Variants in POLD3 observed in about 807,000 individuals in gnomAD.
POLD3 encodes DNA polymerase delta 3, accessory subunit, also known as DNA polymerase delta subunit 3.
A neutral mutation model predicts 58.2 loss-of-function variants in POLD3; 19 were observed. The observed-to-expected ratio is 0.33, with a 90% CI of 0.23 to 0.48. POLD3 has a LOEUF of 0.48. Among genes scored for constraint, POLD3 ranks in the 20% least tolerant of loss-of-function variants. POLD3 has a pLI of 0.99. For missense variants in POLD3, 504 were observed against 545.5 expected, an observed-to-expected ratio of 0.92 and a Z score of 0.76; for synonymous variants, 172 against 193.5, an observed-to-expected ratio of 0.89 and a Z score of 0.92.
At position 74,661,512 on chromosome 11, in the gene POLD3, A is replaced by G. The variant is rs1448907688; in HGVS notation, c.370-7265A>G. Among the ~76,000 whole-genome samples the G allele has an allele frequency of 2.6e-5, 4 of 151,736 alleles. No homozygotes were observed. In the East Asian group the frequency reaches 7.8e-4, roughly 30 times the overall value. ...GAACTCTCTGGATTACCAGGTGGAG[A>G]CTCTTGTTCTCTTCCCTTACTTTCT... On this transcript the variant is annotated intron_variant, in intron 4 of 4. Transcript: ENST00000524752.
chr11:74,629,578 TTTC>T (rs2032531090), intron 9 of POLD3, among the ~76,000 whole-genome samples: 4 of 146,576 alleles, frequency 2.7e-5, no homozygotes, highest in African/African-American at 7.9e-5. Flanking sequence ...GACTTTTTCT[TTTC>T]TTTTCTTTTT....
At chr11:74,666,493 C>T (rs1052812841) in intron 4 of POLD3, among the ~76,000 whole-genome samples, 4 of 152,076 alleles carry the variant, frequency 2.6e-5, no homozygotes, top group East Asian at 3.9e-4. Context: ...TGGTGGCGGG[C>T]GCCTGTAATC....
chr11:74,642,363 T>TA lies in POLD3; in HGVS notation c.*1600dup. ...GAGAGAAGGATGGAAAGCCTGGACTTAAACCTTTAGAAAAAACTTCTGGAG... is the reference window on the plus strand; with the variant it reads ...GAGAGAAGGATGGAAAGCCTGGACTTAAAACCTTTAGAAAAAACTTCTGGAG... On this transcript the variant is annotated 3_prime_UTR_variant, in exon 12 of 12. Transcript: ENST00000263681. 1.0e-6 allele frequency: 1 copy of TA among 985,362 alleles called. No individual in the cohort carries two copies. Among genetic ancestry groups the TA allele is most frequent in the Non-Finnish European group, 1.2e-6 (1 of 829,830 alleles). The allele number at this position is 985,362 out of a possible 1,614,324, so 61.0% of individuals were successfully genotyped here. A position where few individuals can be genotyped will look rare whatever the true frequency, so the allele number is the denominator to read the frequency against.
chr11:74,645,149 C>T (rs2032983555), downstream of POLD3, among the ~76,000 whole-genome samples: 1 of 152,148 alleles, frequency 6.6e-6, no homozygotes, highest in Non-Finnish European at 1.5e-5. Flanking sequence ...TTAGGATAAT[C>T]ATTATGGGCA....
rs1047049232 is a variant in POLD3 at position 74,639,638 on chromosome 11, C to G, written c.1199-926C>G. Among the ~76,000 whole-genome samples, 6 of 152,264 alleles carry G rather than the reference C, an allele frequency of 3.9e-5. No individual in the cohort carries two copies. The South Asian group carries it at 1.2e-3, about 32-fold the overall frequency. On this transcript the variant is annotated intron_variant, in intron 11 of 11. Coordinates refer to ENST00000263681, the MANE Select transcript of POLD3 (RefSeq NM_006591.3). ...TTTCTTGTGGTTGGTATATGTGTTGCAGTAGTGTAGATCCTCCTCGGTTAT... is the reference window on the plus strand; with the variant it reads ...TTTCTTGTGGTTGGTATATGTGTTGGAGTAGTGTAGATCCTCCTCGGTTAT...
intron 5 of POLD3, among the ~76,000 whole-genome samples, chr11:74,613,297 T>G (rs1341239450): frequency 6.6e-6 from 1 of 151,944 alleles, no homozygotes; most frequent in Non-Finnish European, 1.5e-5. Flanking sequence ...ACCCAGTCTC[T>G]GCTTGTCTAA....
intron 2 of POLD3, among the ~76,000 whole-genome samples, chr11:74,594,351 C>T (rs771259336): frequency 1.3e-4 from 20 of 152,174 alleles, no homozygotes; most frequent in Admixed American, 5.2e-4. Context: ...ACCAGTCATA[C>T]TGAATTACGA....
chr11:74,624,989 G>T (rs532626225), intron 7 of POLD3, among the ~76,000 whole-genome samples: 2 of 152,166 alleles, frequency 1.3e-5, no homozygotes, highest in African/African-American at 4.8e-5. Context: ...AGATATTAAG[G>T]GTATCCAGGC....
intron 5 of POLD3, among the ~76,000 whole-genome samples, chr11:74,617,277 T>C (rs567789645): frequency 1.3e-5 from 2 of 152,228 alleles, no homozygotes; most frequent in Non-Finnish European, 2.9e-5. Flanking sequence ...ACCAATTTTC[T>C]TCTCTTGGCC....
intron 4 of POLD3, among the ~76,000 whole-genome samples, chr11:74,658,188 C>T (rs1016134131): frequency 6.6e-6 from 1 of 152,140 alleles, no homozygotes; most frequent in African/African-American, 2.4e-5. Context: ...TCTTACATGG[C>T]AGCAGCAAGA....
chr11:74,656,076 A>T (rs2033130158), intron 4 of POLD3, among the ~76,000 whole-genome samples: 1 of 152,270 alleles, frequency 6.6e-6, no homozygotes, highest in East Asian at 1.9e-4. Flanking sequence ...AATGCCATTT[A>T]TAATAGTGTC....
intron 4 of POLD3, among the ~76,000 whole-genome samples, chr11:74,667,044 A>G (rs528117033): frequency 3.3e-5 from 5 of 152,028 alleles, no homozygotes; most frequent in Non-Finnish European, 7.4e-5. Context: ...TACTGGGACA[A>G]CTGGATATCC....
rs117744471 is a variant in POLD3, at chr11:74,603,020, C to G, written c.117-1672C>G. ...GGCACCCTCTGTCCTCCTTAACTTA[C>G]TTAACTTTGTTTCCATAGACTTACT... On this transcript the variant is annotated intron_variant, in intron 2 of 11. Transcript: ENST00000263681. 2.8e-3 allele frequency among the ~76,000 whole-genome samples: 422 copies of G among 152,302 alleles called. 1 individual carries two copies. The highest frequency in any genetic ancestry group is 8.3e-3 in the South Asian group (40 of 4,828).
At position 74,604,784 on chromosome 11, in the gene POLD3, A is replaced by G; in HGVS notation, c.209A>G (p.Asn70Ser). The G allele has an allele frequency of 6.3e-7, 1 of 1,579,632 alleles. No individual in the cohort carries two copies. The highest frequency in any genetic ancestry group is 8.7e-7 in the Non-Finnish European group (1 of 1,148,434). Reference protein sequence around the residue: ...TYLVSGSLIQNGHSCHKVAVV... With the variant: ...TYLVSGSLIQSGHSCHKVAVV... The stretch of plus-strand genomic sequence containing the variant: ...TTGGTGTCTGGCAGTCTCATTCAGA[A>G]TGGACATTCCGTAAGTTCTCAGAGC... The change falls in exon 3 of 12, where the codon AAT becomes AGT. Residue 70 changes from asparagine to serine, a missense_variant. Physicochemically the swap from Asn to Ser is conservative, Grantham distance 46 (BLOSUM62 1). Around this residue, in one of 2 missense-constraint regions of POLD3, gnomAD observed 119 missense variants for 175.0 expected, o/e 0.68. Coordinates refer to ENST00000263681, the MANE Select transcript of POLD3 (RefSeq NM_006591.3).
chr11:74,621,808 T>A (rs1415441321), intron 7 of POLD3, among the ~76,000 whole-genome samples: 2 of 152,066 alleles, frequency 1.3e-5, no homozygotes, highest in African/African-American at 4.8e-5. Context: ...CTTGAGCCCA[T>A]GAATTCAAAT....
chr11:74,619,904 T>C (rs2032199522), intron 6 of POLD3, 113 bp from the exon 7 acceptor site: 6 of 790,108 alleles, frequency 7.6e-6, no homozygotes, highest in Non-Finnish European at 1.3e-5. Flanking sequence ...GGCATGATTA[T>C]ATAGAGACTA....
chr11:74,615,096 A>G (rs574296159), intron 5 of POLD3, among the ~76,000 whole-genome samples: 1 of 152,352 alleles, frequency 6.6e-6, no homozygotes, highest in African/African-American at 2.4e-5. Context: ...GGCAGAAAGT[A>G]AAACTCTAGG....
At chr11:74,667,188 T>C (rs1315524917) in intron 4 of POLD3, among the ~76,000 whole-genome samples, 3 of 152,220 alleles carry the variant, frequency 2.0e-5, no homozygotes, top group Non-Finnish European at 4.4e-5. Context: ...TTAAAAGTTC[T>C]AGAGATTGGT....
Position 74,629,340 on chromosome 11 carries a change from AT to A in POLD3, c.1006+21del. 6.9e-7 allele frequency: 1 copy of A among 1,454,828 alleles called. No homozygotes were observed. Among genetic ancestry groups the A allele is most frequent in the Non-Finnish European group, 9.6e-7 (1 of 1,044,464 alleles). The allele number at this position is 1,454,828 out of a possible 1,614,324, so 90.1% of individuals were successfully genotyped here. A position where few individuals can be genotyped will look rare whatever the true frequency, so the allele number is the denominator to read the frequency against. ...AAGATGAAGGTGGGCATTACCATTC[AT>A]TTTGGGTTAGGGGGATCAATTTTAC... On this transcript the variant is annotated intron_variant, in intron 9 of 11. Coordinates refer to ENST00000263681, the MANE Select transcript of POLD3 (RefSeq NM_006591.3).
Sources: gnomAD v4.1 joint callset for allele counts (sites outside exome capture counted in the v4.1 genomes callset) on GRCh38, gnomAD v4.1.1 for gene constraint, gnomAD v4.1.1 regional missense constraint, MANE v1.5 for transcripts, NCBI Gene and HGNC (gene_info 2026-07-23, HGNC 2026-07-21) for gene names.